Variants in APBA1 observed in about 807,000 individuals in gnomAD.
APBA1 encodes amyloid-beta A4 precursor protein-binding family A member 1.
A neutral mutation model predicts 86.6 loss-of-function variants in APBA1; 55 were observed. The observed-to-expected ratio is 0.64, with a 90% CI of 0.51 to 0.80. The LOEUF (loss-of-function observed/expected upper bound fraction) is 0.80. Among genes scored for constraint, APBA1 ranks in the 30% least tolerant of loss-of-function variants. The pLI, the probability that APBA1 is intolerant of heterozygous loss-of-function variation, is 0.00. For synonymous variants in APBA1, 511 were observed against 493.9 expected, an observed-to-expected ratio of 1.03 and a Z score of -0.46; for missense variants, 1,090 against 1,183.0, an observed-to-expected ratio of 0.92 and a Z score of 1.15.
At chr9:69,595,372 G>A (rs542059745) in intron 1 of APBA1, among the ~76,000 whole-genome samples, 153 of 152,308 alleles carry the variant, frequency 1.0e-3, no homozygotes, top group Non-Finnish European at 2.0e-3. Flanking sequence ...AGTTCCCAAT[G>A]TGTGCCTTCC....
intron 5 of APBA1, among the ~76,000 whole-genome samples, chr9:69,466,315 G>A (rs776288767): frequency 2.0e-5 from 3 of 152,146 alleles, no homozygotes; most frequent in Admixed American, 6.5e-5. Flanking sequence ...TCATATTTAC[G>A]GTGTTGGTGA....
At chr9:69,441,599 T>C (rs1021172345) in intron 10 of APBA1, among the ~76,000 whole-genome samples, 1 of 152,236 alleles carries the variant, frequency 6.6e-6, no homozygotes, top group South Asian at 2.1e-4. Flanking sequence ...TGATTCATCA[T>C]GGCTCTTTTC....
chr9:69,506,118 G>A (rs1835958756), intron 2 of APBA1, among the ~76,000 whole-genome samples: 1 of 151,928 alleles, frequency 6.6e-6, no homozygotes, highest in African/African-American at 2.4e-5. Flanking sequence ...GAGCGACACA[G>A]AAGAAGACGG....
At chr9:69,522,585 G>A (rs1352583414) in intron 1 of APBA1, among the ~76,000 whole-genome samples, 1 of 152,180 alleles carries the variant, frequency 6.6e-6, no homozygotes. Flanking sequence ...ATGGTTTAGG[G>A]CAGACAGCTC....
intron 1 of APBA1, among the ~76,000 whole-genome samples, chr9:69,531,235 A>G (rs1836428608): frequency 6.6e-6 from 1 of 152,120 alleles, no homozygotes; most frequent in African/African-American, 2.4e-5. Context: ...GGACAGTTCT[A>G]GTCCTTCCTT....
At chr9:69,504,660 G>T (rs1201354011) in intron 2 of APBA1, among the ~76,000 whole-genome samples, 1 of 152,014 alleles carries the variant, frequency 6.6e-6, no homozygotes, top group Admixed American at 6.5e-5. Flanking sequence ...ATCTGTTGGG[G>T]ACTAGGGATC....
chr9:69,462,163 AG>A (rs1195734585), intron 5 of APBA1: 8 of 152,224 alleles, frequency 5.3e-5, no homozygotes, highest in Non-Finnish European at 1.2e-4. Flanking sequence ...TCACAAATAC[AG>A]GAAGAATGGA....
intron 10 of APBA1, among the ~76,000 whole-genome samples, chr9:69,448,691 C>G (rs1320973452): frequency 1.3e-5 from 2 of 152,108 alleles, no homozygotes; most frequent in South Asian, 2.1e-4. Flanking sequence ...CTCACACATG[C>G]ACATACGCAC....
At chr9:69,658,238 T>TTC (rs1224309142) in intron 1 of APBA1, among the ~76,000 whole-genome samples, 2 of 18,300 alleles carry the variant, frequency 1.1e-4, no homozygotes, top group Non-Finnish European at 2.8e-4. Flanking sequence ...CTTTCTTTCT[T>TTC]TCTTTCTTTC....
At chr9:69,519,160 C>T (rs923789126) in intron 1 of APBA1, among the ~76,000 whole-genome samples, 4 of 152,232 alleles carry the variant, frequency 2.6e-5, no homozygotes, top group Admixed American at 1.3e-4. Context: ...ATGAATCTCC[C>T]TTCAAACCTT....
Position 69,439,423 on chromosome 9 carries a change from C to T in APBA1, c.2301+1573G>A, listed in dbSNP as rs532862260. ...GTCACTTTCAGGTACACCAATCAGA[C>T]GTAGATTTGGTCTTTTCACATAGTC... On this transcript the variant is annotated intron_variant, in intron 11 of 12. Transcript: ENST00000265381. Among the ~76,000 whole-genome samples, 135 of 152,084 alleles carry T rather than the reference C, an allele frequency of 8.9e-4. 1 individual carries two copies. Among genetic ancestry groups the T allele is most frequent in the East Asian group, 3.9e-3 (20 of 5,178 alleles).
At chr9:69,486,946 T>C (rs2133853873) in intron 2 of APBA1, among the ~76,000 whole-genome samples, 1 of 152,054 alleles carries the variant, frequency 6.6e-6, no homozygotes, top group East Asian at 1.9e-4. Context: ...TCAGAACTAT[T>C]TCCTGAGTTG....
intron 11 of APBA1, among the ~76,000 whole-genome samples, chr9:69,434,678 T>C (rs1038414589): frequency 2.0e-5 from 3 of 149,238 alleles, no homozygotes; most frequent in Non-Finnish European, 4.4e-5. Context: ...CTGTACTCCA[T>C]CTTGGATGAC....
intron 1 of APBA1, among the ~76,000 whole-genome samples, chr9:69,579,123 C>G (rs182240458): frequency 3.7e-4 from 57 of 152,166 alleles, no homozygotes; most frequent in African/African-American, 1.4e-3. Flanking sequence ...GGCACCTCTG[C>G]TTGTTAACAT....
intron 1 of APBA1, among the ~76,000 whole-genome samples, chr9:69,548,961 G>A (rs1836741307): frequency 6.6e-6 from 1 of 152,340 alleles, no homozygotes; most frequent in Non-Finnish European, 1.5e-5. Flanking sequence ...TGAAATGCCC[G>A]GGGTGGTGGG....
chr9:69,554,485 A>G (rs1384920022), intron 1 of APBA1, among the ~76,000 whole-genome samples: 1 of 152,202 alleles, frequency 6.6e-6, no homozygotes, highest in Non-Finnish European at 1.5e-5. Context: ...CTTGTGATCC[A>G]TTAGTGGTTT....
intron 3 of APBA1, 92 bp downstream of exon 3, chr9:69,475,956 G>T: frequency 1.0e-6 from 1 of 1,004,742 alleles, no homozygotes; most frequent in South Asian, 1.3e-5. Flanking sequence ...TGTGGGTCAG[G>T]AGCGCTGTAG....
intron 2 of APBA1, among the ~76,000 whole-genome samples, chr9:69,501,475 C>A (rs1480711762): frequency 6.6e-6 from 1 of 151,980 alleles, no homozygotes; most frequent in East Asian, 1.9e-4. Flanking sequence ...ACCTTCCCTT[C>A]TTCTCCAATA....
intron 3 of APBA1, among the ~76,000 whole-genome samples, chr9:69,475,681 G>T (rs892283536): frequency 6.6e-6 from 1 of 152,230 alleles, no homozygotes; most frequent in Admixed American, 6.5e-5. Flanking sequence ...GGCATGTAAC[G>T]CCAGGAGGAA....
Sources: gnomAD v4.1 joint callset for allele counts (sites outside exome capture counted in the v4.1 genomes callset) on GRCh38, gnomAD v4.1.1 for gene constraint, MANE v1.5 for transcripts, NCBI Gene and HGNC (gene_info 2026-07-23, HGNC 2026-07-21) for gene names.